PAX3: variants seen among roughly 807,000 people sequenced by gnomAD.
PAX3 encodes the protein paired box protein Pax-3.
PAX3 carries 14 observed loss-of-function variants against 51.6 expected under a neutral mutation model. The ratio of observed to expected loss-of-function variants is 0.27; its 90% CI spans 0.18 to 0.42. The LOEUF (loss-of-function observed/expected upper bound fraction) is 0.42, where lower values mean the gene tolerates loss of function less well. PAX3 is among the 10% of genes least tolerant of loss of function. The probability of loss-of-function intolerance (pLI) is 1.00; values close to 1 mark genes in which losing one functional copy is unlikely to be tolerated. For synonymous variants in PAX3, 280 were observed against 253.4 expected (o/e 1.11, Z -1.00); for missense variants, 540 against 642.8 (o/e 0.84, Z 1.73).
chr2:222,275,937 G>A (rs1251609199), intron 4 of PAX3, among the ~76,000 whole-genome samples: 7 of 152,196 alleles, frequency 4.6e-5, no homozygotes, highest in South Asian at 2.1e-4. Context: ...AATCAGTTGG[G>A]ACAACCGCTA....
chr2:222,288,947 G>A (rs1044648395), intron 4 of PAX3, among the ~76,000 whole-genome samples: 2 of 152,202 alleles, frequency 1.3e-5, no homozygotes, highest in Non-Finnish European at 2.9e-5. Context: ...CCGCGCTCCC[G>A]GCCTTTTAAT....
intron 4 of PAX3, among the ~76,000 whole-genome samples, chr2:222,267,646 C>T (rs2106154529): frequency 6.6e-6 from 1 of 152,010 alleles, no homozygotes; most frequent in South Asian, 2.1e-4. Context: ...CCCAAGACAC[C>T]TAAGGAAATT....
chr2:222,207,243 C>G (rs1691547783), intron 7 of PAX3, among the ~76,000 whole-genome samples: 1 of 152,138 alleles, frequency 6.6e-6, no homozygotes. Context: ...ATTTAAGGAG[C>G]AGAGACTTTC....
At chr2:222,296,941 A>C in intron 2 of PAX3, 37 bp downstream of exon 2, 1 of 1,541,534 alleles carries the variant, frequency 6.5e-7, no homozygotes, top group Non-Finnish European at 8.9e-7. Context: ...AGGGGACCAC[A>C]GTCTGGGAGC....
chr2:222,212,032 A>G (rs1361070019), intron 7 of PAX3, among the ~76,000 whole-genome samples: 1 of 152,140 alleles, frequency 6.6e-6, no homozygotes, highest in Non-Finnish European at 1.5e-5. Context: ...GGGTGTGGAT[A>G]CACTATAATA....
chr2:222,237,776 T>A (rs898036457), intron 4 of PAX3, among the ~76,000 whole-genome samples: 3 of 152,234 alleles, frequency 2.0e-5, no homozygotes, highest in Admixed American at 1.3e-4. Context: ...GAACTGATTA[T>A]TCATTTTATA....
At position 222,230,107 on chromosome 2, in the gene PAX3, T is replaced by A. The variant is rs145890512; in HGVS notation, c.792+1971A>T. ...GGGAGGATCACCTGAGCTCAGGAGG[T>A]GTAGGCTTCAGTGAGCTGTGATTGT... On this transcript the variant is annotated intron_variant, in intron 5 of 8. Transcript: ENST00000392070. Among the ~76,000 whole-genome samples, 398 of 151,780 alleles carry A rather than the reference T, an allele frequency of 2.6e-3. 3 individuals are homozygous for A. Among genetic ancestry groups the A allele is most frequent in the South Asian group, 0.022 (108 of 4,802 alleles).
chr2:222,233,843 C>T (rs1692701136), intron 4 of PAX3, among the ~76,000 whole-genome samples: 1 of 152,112 alleles, frequency 6.6e-6, no homozygotes, highest in African/African-American at 2.4e-5. Context: ...AACAGTAAGC[C>T]AGAAAATTGT....
chr2:222,289,087 C>T (rs1470125950), intron 4 of PAX3, among the ~76,000 whole-genome samples: 1 of 152,244 alleles, frequency 6.6e-6, no homozygotes, highest in Non-Finnish European at 1.5e-5. Flanking sequence ...AGACATTAAA[C>T]TGACTGCTTA....
chr2:222,249,894 C>T (rs868226459), intron 4 of PAX3, among the ~76,000 whole-genome samples: 2 of 152,232 alleles, frequency 1.3e-5, no homozygotes, highest in African/African-American at 4.8e-5. Flanking sequence ...TCAAGTCAAT[C>T]AATATTCATG....
chr2:222,277,254 T>C (rs939058114), intron 4 of PAX3, among the ~76,000 whole-genome samples: 14 of 151,898 alleles, frequency 9.2e-5, no homozygotes, highest in African/African-American at 2.9e-4. Context: ...TGGCTGGGGG[T>C]TGGGGAGGCT....
chr2:222,220,239 G>A lies in PAX3; in HGVS notation c.1074C>T (p.Ser358=). ...TATAGCTGGAAAATCCATGCCTGGT[G>A]CTGGGGAGGCAGTAGGCAGAGCTGC... The part of the protein sequence containing the change: ...PDSSSAYCLP[S]TRHGFSSYTD... The change falls in exon 7 of 9, where the codon AGC becomes AGT. Residue 358 remains serine, a synonymous_variant. Coordinates refer to ENST00000392070, the MANE Select transcript of PAX3 (RefSeq NM_181458.4). 1 of 1,614,012 alleles carries A rather than the reference G, an allele frequency of 6.2e-7. No individual in the cohort carries two copies. Among genetic ancestry groups the A allele is most frequent in the Non-Finnish European group, 8.5e-7 (1 of 1,179,948 alleles).
At chr2:222,281,548 A>G (rs1287795571) in intron 4 of PAX3, among the ~76,000 whole-genome samples, 1 of 152,214 alleles carries the variant, frequency 6.6e-6, no homozygotes. Context: ...AGTAACCTAA[A>G]GCTTGGCCAC....
chr2:222,267,874 C>G (rs748100263), intron 4 of PAX3, among the ~76,000 whole-genome samples: 7 of 152,182 alleles, frequency 4.6e-5, no homozygotes, highest in Non-Finnish European at 1.0e-4. Flanking sequence ...TTATATACGA[C>G]TTACCCTGGG....
chr2:222,201,461 A>G lies in PAX3; in HGVS notation c.1421-19T>C, dbSNP rs1266260254. On this transcript the variant is annotated intron_variant, in intron 8 of 8. Coordinates refer to ENST00000392070, the MANE Select transcript of PAX3 (RefSeq NM_181458.4). Reference sequence around the variant, plus strand: ...AAGGCACCTGTAAGGAAACACACGCAGCTTTTTAGGTCATGCTGGGACAAT... The same window carrying G: ...AAGGCACCTGTAAGGAAACACACGCGGCTTTTTAGGTCATGCTGGGACAAT... 6.8e-6 allele frequency: 11 copies of G among 1,613,972 alleles called. No individual in the cohort carries two copies. In the East Asian group the frequency reaches 1.8e-4, roughly 26 times the overall value.
At chr2:222,295,790 G>T in intron 2 of PAX3, 133 bp from the exon 3 acceptor site, 1 of 1,013,846 alleles carries the variant, frequency 9.9e-7, no homozygotes, top group Non-Finnish European at 1.6e-6. Context: ...TGAGCAAAAA[G>T]ACCTGAACTC....
chr2:222,279,714 C>CA (rs1694567885), intron 4 of PAX3, among the ~76,000 whole-genome samples: 1 of 151,292 alleles, frequency 6.6e-6, no homozygotes, highest in Non-Finnish European at 1.5e-5. Flanking sequence ...TTTCATGTTA[C>CA]AAAAAAATAG....
intron 4 of PAX3, among the ~76,000 whole-genome samples, chr2:222,275,609 C>G (rs1694391852): frequency 6.6e-6 from 1 of 151,302 alleles, no homozygotes; most frequent in Non-Finnish European, 1.5e-5. Context: ...TTTTCCTCCA[C>G]AAAAATAAAA....
intron 4 of PAX3, among the ~76,000 whole-genome samples, chr2:222,266,677 T>G (rs1386430974): frequency 3.3e-5 from 5 of 152,222 alleles, no homozygotes; most frequent in Non-Finnish European, 7.3e-5. Context: ...TATTTCTGCT[T>G]TGTGGCTATC....
Sources: gnomAD v4.1 joint callset for allele counts (sites outside exome capture counted in the v4.1 genomes callset) on GRCh38, gnomAD v4.1.1 for gene constraint, MANE v1.5 for transcripts, NCBI Gene and HGNC (gene_info 2026-07-23, HGNC 2026-07-21) for gene names.